Variants in ARHGEF26 observed in about 807,000 individuals in gnomAD.
The protein encoded by ARHGEF26 is Rho guanine nucleotide exchange factor 26, also known as Rho guanine nucleotide exchange factor (GEF) 26.
A neutral mutation model predicts 89.4 loss-of-function variants in ARHGEF26; 59 were observed. That is an observed-to-expected ratio of 0.66 (90% CI 0.54 to 0.82). The LOEUF (loss-of-function observed/expected upper bound fraction) is 0.82. Among genes scored for constraint, ARHGEF26 ranks in the 40% least tolerant of loss-of-function variants. The pLI is 0.00. For synonymous variants in ARHGEF26, 500 were observed against 428.4 expected, an observed-to-expected ratio of 1.17 and a Z score of -2.06; for missense variants, 1,234 against 1,085.6, an observed-to-expected ratio of 1.14 and a Z score of -1.92.
intron 6 of ARHGEF26, among the ~76,000 whole-genome samples, chr3:154,175,037 T>C (rs1712711719): frequency 6.6e-6 from 1 of 152,216 alleles, no homozygotes; most frequent in African/African-American, 2.4e-5. Flanking sequence ...TGAATGGGTC[T>C]CCTGTATATA....
At chr3:154,139,456 T>C (rs1033416367) in intron 4 of ARHGEF26, among the ~76,000 whole-genome samples, 2 of 152,234 alleles carry the variant, frequency 1.3e-5, no homozygotes, top group Admixed American at 1.3e-4. Flanking sequence ...CATTCAAGAA[T>C]AATAGCAGTC....
intron 5 of ARHGEF26, among the ~76,000 whole-genome samples, chr3:154,151,020 G>A (rs979665920): frequency 1.3e-5 from 2 of 152,076 alleles, no homozygotes; most frequent in East Asian, 1.9e-4. Flanking sequence ...CCCAGTTTGA[G>A]TATTTAGATT....
chr3:154,186,271 A>T (rs930069570), intron 6 of ARHGEF26, among the ~76,000 whole-genome samples: 8 of 152,132 alleles, frequency 5.3e-5, no homozygotes, highest in African/African-American at 1.4e-4. Context: ...TCGTATGCAG[A>T]TGTTCATAGC....
intron 9 of ARHGEF26, among the ~76,000 whole-genome samples, chr3:154,210,801 GT>G (rs1364615709): frequency 6.6e-6 from 1 of 151,564 alleles, no homozygotes; most frequent in Non-Finnish European, 1.5e-5. Flanking sequence ...AAATTAGCTG[GT>G]TGTGGTGGTG....
At chr3:154,245,936 A>C (rs181389815) in intron 12 of ARHGEF26, among the ~76,000 whole-genome samples, 21 of 152,302 alleles carry the variant, frequency 1.4e-4, no homozygotes, top group Admixed American at 6.5e-4. Flanking sequence ...TGCTCTTAGG[A>C]AGGGTGACTT....
chr3:154,244,161 C>A (rs762041276), intron 12 of ARHGEF26, among the ~76,000 whole-genome samples: 1 of 152,164 alleles, frequency 6.6e-6, no homozygotes, highest in Non-Finnish European at 1.5e-5. Context: ...TCACTACTTA[C>A]TCTTTGACCT....
Position 154,152,927 on chromosome 3 carries a change from C to A in ARHGEF26, c.1482C>A (p.Ser494Arg). 6.3e-7 allele frequency: 1 copy of A among 1,580,040 alleles called. No homozygotes were observed. The highest frequency in any genetic ancestry group is 8.6e-7 in the Non-Finnish European group (1 of 1,165,012). The change falls in exon 6 of 15, where the codon AGC becomes AGA. Residue 494 changes from serine to arginine, a missense_variant. Ser to Arg is a moderately radical substitution (Grantham distance 110). Transcript: ENST00000465093. ...ATATTACAGATGTCTGTGAGGCAAG[C>A]AAAAAGTAAGTGCACTGCAGTCTGC... ...FSNITDVCEA[S>R]KKFFIELEAR...
At chr3:154,188,530 G>A (rs1212526959) in intron 7 of ARHGEF26, among the ~76,000 whole-genome samples, 1 of 152,196 alleles carries the variant, frequency 6.6e-6, no homozygotes, top group Admixed American at 6.5e-5. Flanking sequence ...ATGCCTATAT[G>A]TATTTTAAAG....
chr3:154,238,179 G>GTAT (rs1717245196), intron 11 of ARHGEF26, among the ~76,000 whole-genome samples: 1 of 152,124 alleles, frequency 6.6e-6, no homozygotes, highest in Non-Finnish European at 1.5e-5. Flanking sequence ...TTTGTAAAGC[G>GTAT]TATTATTCAC....
chr3:154,225,833 A>C lies in ARHGEF26; in HGVS notation c.1936-23A>C, dbSNP rs117971364. ...AAAGGATTTCAATTTAGCTTTGGTCACTGGGTTTTTCTCCTTTTGTAGCCT... is the reference window on the plus strand; with the variant it reads ...AAAGGATTTCAATTTAGCTTTGGTCCCTGGGTTTTTCTCCTTTTGTAGCCT... On this transcript the variant is annotated intron_variant, in intron 10 of 14. Coordinates refer to ENST00000465093, the MANE Select transcript of ARHGEF26 (RefSeq NM_015595.4). 735 of 1,576,464 alleles carry C rather than the reference A, an allele frequency of 4.7e-4. 3 individuals are homozygous for C. In the East Asian group the frequency reaches 0.014, roughly 31 times the overall value.
In ARHGEF26 at chr3:154,122,763, G is replaced by A. The variant is rs1353500274; in HGVS notation, c.771G>A (p.Ser257=). Residue 257 remains serine (S), a synonymous_variant, in exon 2 of 15, where the codon TCG becomes TCA. Coordinates refer to ENST00000465093, the MANE Select transcript of ARHGEF26 (RefSeq NM_015595.4). ...KQQIIPKSLA[S]EIKISKSNNQ... is the part of the protein sequence containing the mutation. ...AGATCATTCCGAAGAGTCTGGCCTC[G>A]GAAATTAAAATAAGTAAATCCAACA... The A allele has an allele frequency of 1.3e-5, 21 of 1,611,004 alleles. No homozygotes were observed. The East Asian group carries it at 4.7e-4, about 36-fold the overall frequency.
At chr3:154,199,124 T>TA (rs1190676058) in intron 9 of ARHGEF26, among the ~76,000 whole-genome samples, 24 of 152,020 alleles carry the variant, frequency 1.6e-4, no homozygotes, top group Non-Finnish European at 3.1e-4. Flanking sequence ...AGTCACCCTG[T>TA]TGTGCTATCA....
intron 9 of ARHGEF26, among the ~76,000 whole-genome samples, 192 bp downstream of exon 9, chr3:154,194,910 AGTTTT>A (rs1321854137): frequency 6.6e-6 from 1 of 152,194 alleles, no homozygotes; most frequent in Non-Finnish European, 1.5e-5. Context: ...TGTTTCAGAC[AGTTTT>A]GTTTTAAGAG....
chr3:154,238,948 A>G (rs9849541), intron 11 of ARHGEF26, among the ~76,000 whole-genome samples: 42,524 of 151,946 alleles, frequency 0.28, 6,914 homozygotes, highest in South Asian at 0.41. Context: ...TGTAGAGTCA[A>G]TGGGTTGTAA....
At chr3:154,125,620 ATATT>A (rs1265981435) in intron 3 of ARHGEF26, among the ~76,000 whole-genome samples, 3 of 152,120 alleles carry the variant, frequency 2.0e-5, no homozygotes, top group Non-Finnish European at 4.4e-5. Flanking sequence ...CTGGAATTTG[ATATT>A]TATTTTGTGA....
intron 10 of ARHGEF26, among the ~76,000 whole-genome samples, chr3:154,225,163 T>A (rs565101853): frequency 9.1e-4 from 138 of 152,276 alleles, no homozygotes; most frequent in African/African-American, 3.2e-3. Context: ...GTATGTAATT[T>A]TTTGGATACA....
intron 9 of ARHGEF26, among the ~76,000 whole-genome samples, chr3:154,217,663 C>G (rs1012405211): frequency 2.6e-5 from 4 of 152,264 alleles, no homozygotes; most frequent in Middle Eastern, 6.8e-3. Flanking sequence ...GATAGGGTGA[C>G]CTTTTTTTCC....
intron 6 of ARHGEF26, among the ~76,000 whole-genome samples, chr3:154,174,386 C>T (rs555210155): frequency 2.6e-5 from 4 of 152,190 alleles, no homozygotes; most frequent in East Asian, 1.9e-4. Flanking sequence ...TTGAGAGCTC[C>T]GAAGCACACT....
At chr3:154,232,562 T>C (rs1716885996) in intron 11 of ARHGEF26, among the ~76,000 whole-genome samples, 1 of 152,050 alleles carries the variant, frequency 6.6e-6, no homozygotes, top group Non-Finnish European at 1.5e-5. Flanking sequence ...TTGCAAAACA[T>C]ATAATTATCA....
Sources: gnomAD v4.1 joint callset for allele counts (sites outside exome capture counted in the v4.1 genomes callset) on GRCh38, gnomAD v4.1.1 for gene constraint, MANE v1.5 for transcripts, NCBI Gene and HGNC (gene_info 2026-07-23, HGNC 2026-07-21) for gene names.